Variants in LDLRAD3 observed in about 807,000 individuals in gnomAD.
The protein encoded by LDLRAD3 is low-density lipoprotein receptor class A domain-containing protein 3.
A neutral mutation model predicts 29.4 loss-of-function variants in LDLRAD3; 20 were observed. That is an observed-to-expected ratio of 0.68 (90% CI 0.48 to 0.99). The LOEUF is 0.99. LDLRAD3 is among the 50% of genes least tolerant of loss of function. The probability of loss-of-function intolerance (pLI) is 0.00; values close to 1 mark genes in which losing one functional copy is unlikely to be tolerated. For synonymous variants in LDLRAD3, 157 were observed against 192.7 expected, an observed-to-expected ratio of 0.81 and a Z score of 1.53; for missense variants, 420 against 454.3, an observed-to-expected ratio of 0.92 and a Z score of 0.69.
At chr11:36,064,207 A>G (rs889367880) in intron 2 of LDLRAD3, among the ~76,000 whole-genome samples, 1 of 152,206 alleles carries the variant, frequency 6.6e-6, no homozygotes, top group Admixed American at 6.5e-5. Flanking sequence ...TCATTTTTGG[A>G]TTGCTGATTG....
intron 3 of LDLRAD3, among the ~76,000 whole-genome samples, chr11:36,097,840 G>GA (rs144712584): frequency 0.078 from 11,716 of 151,062 alleles, 1,091 homozygotes; most frequent in African/African-American, 0.23. Context: ...AACAAAAATG[G>GA]AAAAAAAAAT....
At chr11:36,170,015 C>T (rs1235885636) in intron 4 of LDLRAD3, among the ~76,000 whole-genome samples, 1 of 152,062 alleles carries the variant, frequency 6.6e-6, no homozygotes, top group African/African-American at 2.4e-5. Context: ...ATCCCTCACC[C>T]TCCTCCCACC....
chr11:35,993,112 C>G (rs1212716584), intron 1 of LDLRAD3, among the ~76,000 whole-genome samples: 1 of 152,116 alleles, frequency 6.6e-6, no homozygotes, highest in Non-Finnish European at 1.5e-5. Flanking sequence ...CAGGGTTACA[C>G]AATTTATAAA....
rs148229829 is a variant in LDLRAD3, at chr11:36,108,077, G to A, written c.454+9616G>A. ...TGTAATCCCAGCACTTTGGGAGGCCGAGGTGGGCAGATCACGAGGTCAGGA... is the reference window on the plus strand; with the variant it reads ...TGTAATCCCAGCACTTTGGGAGGCCAAGGTGGGCAGATCACGAGGTCAGGA... On this transcript the variant is annotated intron_variant, in intron 4 of 5. Coordinates refer to ENST00000315571, the MANE Select transcript of LDLRAD3 (RefSeq NM_174902.4). Among the ~76,000 whole-genome samples, 467 of 152,138 alleles carry A rather than the reference G, an allele frequency of 3.1e-3. 2 individuals are homozygous for A. Among genetic ancestry groups the A allele is most frequent in the African/African-American group, 0.01 (424 of 41,498 alleles).
chr11:36,022,822 C>T (rs1852114535), intron 1 of LDLRAD3, among the ~76,000 whole-genome samples: 1 of 152,186 alleles, frequency 6.6e-6, no homozygotes. Context: ...AGTTTCAGCC[C>T]TTTAAAACAG....
At chr11:36,132,889 G>A (rs1435975877) in intron 4 of LDLRAD3, among the ~76,000 whole-genome samples, 4 of 152,208 alleles carry the variant, frequency 2.6e-5, no homozygotes, top group Non-Finnish European at 5.9e-5. Context: ...CAGCTCTGTG[G>A]CTTCCCAGCC....
intron 4 of LDLRAD3, 23 bp from the exon 5 acceptor site, chr11:36,227,062 C>G: frequency 1.3e-6 from 2 of 1,522,384 alleles, no homozygotes; most frequent in Non-Finnish European, 1.8e-6. Flanking sequence ...TCTCTCTTTT[C>G]TCTCCTCTCT....
At chr11:36,201,283 A>T (rs531677736) in intron 4 of LDLRAD3, among the ~76,000 whole-genome samples, 1 of 152,322 alleles carries the variant, frequency 6.6e-6, no homozygotes, top group South Asian at 2.1e-4. Flanking sequence ...GGTAGAAAAA[A>T]TAGAGATGTG....
chr11:35,969,426 A>C (rs1851384299), intron 1 of LDLRAD3, among the ~76,000 whole-genome samples: 1 of 152,228 alleles, frequency 6.6e-6, no homozygotes, highest in African/African-American at 2.4e-5. Context: ...CACTCTGCAG[A>C]AGCTTATGAC....
chr11:35,971,640 ATGTC>A (rs1414143132), intron 1 of LDLRAD3, among the ~76,000 whole-genome samples: 6 of 152,194 alleles, frequency 3.9e-5, no homozygotes, highest in Non-Finnish European at 5.9e-5. Context: ...CTCCAGAACT[ATGTC>A]TGTCATTCAA....
intron 4 of LDLRAD3, among the ~76,000 whole-genome samples, chr11:36,114,169 C>G (rs1463290817): frequency 6.6e-6 from 1 of 152,140 alleles, no homozygotes. Flanking sequence ...CTGATCAACA[C>G]CGGAACTTTT....
intron 1 of LDLRAD3, among the ~76,000 whole-genome samples, chr11:35,974,307 T>A (rs984453251): frequency 1.3e-5 from 2 of 152,230 alleles, no homozygotes; most frequent in African/African-American, 2.4e-5. Flanking sequence ...AGCTTTATTT[T>A]TTTTTTTCAG....
chr11:36,037,695 G>A (rs1193380355), intron 2 of LDLRAD3, among the ~76,000 whole-genome samples: 2 of 152,182 alleles, frequency 1.3e-5, no homozygotes, highest in African/African-American at 4.8e-5. Context: ...TGGCTTTGGA[G>A]TTCACACACC....
chr11:36,178,542 A>G (rs1268016389), intron 4 of LDLRAD3, among the ~76,000 whole-genome samples: 1 of 152,156 alleles, frequency 6.6e-6, no homozygotes, highest in Non-Finnish European at 1.5e-5. Context: ...GCTCCTCACC[A>G]TGGCATTCAG....
intron 1 of LDLRAD3, among the ~76,000 whole-genome samples, chr11:35,982,512 A>G (rs1851554253): frequency 6.6e-6 from 1 of 152,180 alleles, no homozygotes; most frequent in Non-Finnish European, 1.5e-5. Flanking sequence ...GGACTCCGGC[A>G]TACTGTTTTT....
rs1430848770 is a variant in LDLRAD3 at position 35,990,202 on chromosome 11, GT to G, written c.47-45899del. Reference sequence around the variant, plus strand: ...ATAGTAATGTTAGTTCCCTAAGGCTGTTGTAACAAATTCTTACCAACTGGGT... The same window carrying G: ...ATAGTAATGTTAGTTCCCTAAGGCTGTGTAACAAATTCTTACCAACTGGGT... On this transcript the variant is annotated intron_variant, in intron 1 of 5. Coordinates refer to ENST00000315571, the MANE Select transcript of LDLRAD3 (RefSeq NM_174902.4). 3.3e-5 allele frequency among the ~76,000 whole-genome samples: 5 copies of G among 152,282 alleles called. No individual in the cohort carries two copies. The East Asian group carries it at 9.6e-4, about 29-fold the overall frequency.
At position 36,231,542 on chromosome 11, in the gene LDLRAD3, A is replaced by G. The variant is rs1423422063; in HGVS notation, c.*2145A>G. On this transcript the variant is annotated 3_prime_UTR_variant, in exon 6 of 6. Coordinates refer to ENST00000315571, the MANE Select transcript of LDLRAD3 (RefSeq NM_174902.4). Reference sequence around the variant, plus strand: ...GAAGTTGTTTAGAGGAAAGAATTCTAATTTTAATTAATTGCGCAGTGAGTT... The same window carrying G: ...GAAGTTGTTTAGAGGAAAGAATTCTGATTTTAATTAATTGCGCAGTGAGTT... The G allele has an allele frequency of 2.6e-5, 4 of 152,092 alleles. No individual in the cohort carries two copies. Among genetic ancestry groups the G allele is most frequent in the Non-Finnish European group, 1.5e-5 (1 of 68,022 alleles). The allele number at this position is 152,092 out of a possible 1,614,324, so 9.4% of individuals were successfully genotyped here.
At chr11:35,968,947 G>A (rs1590693348) in intron 1 of LDLRAD3, among the ~76,000 whole-genome samples, 1 of 152,170 alleles carries the variant, frequency 6.6e-6, no homozygotes, top group Non-Finnish European at 1.5e-5. Context: ...ATGGGACTCT[G>A]TCGTCTACAG....
chr11:36,173,851 GGAAAAAAACTACTTT>G, intron 4 of LDLRAD3, among the ~76,000 whole-genome samples: 1 of 10,528 alleles, frequency 9.5e-5, no homozygotes, highest in Non-Finnish European at 2.1e-3. Flanking sequence ...TCACAGAATT[GGAAAAAAACTACTTT>G]AAAGTTCATA....
Sources: allele counts gnomAD v4.1 joint callset (sites outside exome capture counted in the v4.1 genomes callset), GRCh38; gene constraint gnomAD v4.1.1; transcripts MANE v1.5; gene names NCBI Gene and HGNC (gene_info 2026-07-23, HGNC 2026-07-21).